SLC39A11: variants seen among roughly 807,000 people sequenced by gnomAD.
SLC39A11 encodes zinc transporter ZIP11.
SLC39A11 carries 33 observed loss-of-function variants against 36.1 expected under a neutral mutation model. That is an observed-to-expected ratio of 0.91 (90% CI 0.69 to 1.22). SLC39A11 has a LOEUF of 1.22. Among genes scored for constraint, SLC39A11 ranks in the 50% most tolerant of loss-of-function variants. The pLI, the probability that SLC39A11 is intolerant of heterozygous loss-of-function variation, is 0.00. For synonymous variants in SLC39A11, 166 were observed against 170.3 expected (o/e 0.97, Z 0.20); for missense variants, 432 against 430.3 (o/e 1.00, Z -0.03).
At chr17:73,084,107 T>C (rs142694554) in intron 3 of SLC39A11, among the ~76,000 whole-genome samples, 10 of 152,228 alleles carry the variant, frequency 6.6e-5, no homozygotes, top group African/African-American at 1.9e-4. Context: ...CTGGGATGCA[T>C]TACAGGCTTC....
At chr17:72,650,593 C>T (rs1321690640) in intron 7 of SLC39A11, among the ~76,000 whole-genome samples, 1 of 152,184 alleles carries the variant, frequency 6.6e-6, no homozygotes, top group East Asian at 1.9e-4. Flanking sequence ...GAAGCAGCCC[C>T]TCCATGAAGG....
Position 72,729,828 on chromosome 17 carries a change from A to G in SLC39A11, c.671+6822T>C, listed in dbSNP as rs199899770. On this transcript the variant is annotated intron_variant, in intron 7 of 9. Transcript: ENST00000255559. ...GGAGCAAAAAGCTTGCCTGTCTTCTACTGGTTTCTTGGTCTGGCTTGGATC... is the reference window on the plus strand; with the variant it reads ...GGAGCAAAAAGCTTGCCTGTCTTCTGCTGGTTTCTTGGTCTGGCTTGGATC... Among the ~76,000 whole-genome samples the G allele has an allele frequency of 2.6e-5, 4 of 152,114 alleles. No homozygotes were observed. In the East Asian group the frequency reaches 7.8e-4, roughly 30 times the overall value.
chr17:72,872,111 T>A (rs2080664182), intron 5 of SLC39A11, among the ~76,000 whole-genome samples: 1 of 151,888 alleles, frequency 6.6e-6, no homozygotes, highest in South Asian at 2.1e-4. Flanking sequence ...GTAAAGAGAG[T>A]AATGTCTATG....
chr17:72,659,711 T>C (rs1304256157), intron 7 of SLC39A11, among the ~76,000 whole-genome samples: 1 of 149,366 alleles, frequency 6.7e-6, no homozygotes, highest in Non-Finnish European at 1.5e-5. Context: ...GCCTCCCAAA[T>C]AGCTGGGATT....
At chr17:72,886,979 T>C (rs1430820238) in intron 5 of SLC39A11, among the ~76,000 whole-genome samples, 1 of 152,248 alleles carries the variant, frequency 6.6e-6, no homozygotes, top group Non-Finnish European at 1.5e-5. Flanking sequence ...CTTCCCTGAC[T>C]GCCTGATCTA....
chr17:73,091,668 G>T (rs2060928286), intron 1 of SLC39A11, among the ~76,000 whole-genome samples: 1 of 152,062 alleles, frequency 6.6e-6, no homozygotes, highest in Non-Finnish European at 1.5e-5. Context: ...ACAACTTTAG[G>T]ACACAGCATC....
At chr17:72,702,251 G>GT (rs1381788021) in intron 7 of SLC39A11, among the ~76,000 whole-genome samples, 1 of 152,190 alleles carries the variant, frequency 6.6e-6, no homozygotes, top group Non-Finnish European at 1.5e-5. Context: ...GGAGGCTACT[G>GT]TTTTTTTCTT....
At chr17:73,079,913 T>C (rs1264837089) in intron 3 of SLC39A11, among the ~76,000 whole-genome samples, 4 of 152,174 alleles carry the variant, frequency 2.6e-5, no homozygotes, top group South Asian at 2.1e-4. Flanking sequence ...AAAATAATAA[T>C]AATAATACTT....
chr17:72,784,300 G>A (rs1807876249), intron 6 of SLC39A11, among the ~76,000 whole-genome samples: 1 of 152,018 alleles, frequency 6.6e-6, no homozygotes, highest in Non-Finnish European at 1.5e-5. Context: ...AGCAGAGATG[G>A]CACCACGATA....
At chr17:72,906,003 T>C (rs1488257387) in intron 5 of SLC39A11, among the ~76,000 whole-genome samples, 3 of 152,180 alleles carry the variant, frequency 2.0e-5, no homozygotes, top group Non-Finnish European at 2.9e-5. Flanking sequence ...TCCGCCTGCC[T>C]TGGCCTCCCA....
chr17:72,798,711 TC>T (rs2076983156), intron 6 of SLC39A11, among the ~76,000 whole-genome samples: 1 of 151,868 alleles, frequency 6.6e-6, no homozygotes, highest in East Asian at 1.9e-4. Flanking sequence ...AGAACACTAA[TC>T]TCACCAAGGG....
intron 4 of SLC39A11, among the ~76,000 whole-genome samples, chr17:73,017,293 G>T (rs1323400972): frequency 6.6e-6 from 1 of 152,170 alleles, no homozygotes; most frequent in Non-Finnish European, 1.5e-5. Context: ...ACTATGCAGG[G>T]CTGTGATCCT....
intron 5 of SLC39A11, among the ~76,000 whole-genome samples, chr17:72,895,855 A>G (rs1389416158): frequency 6.6e-6 from 1 of 152,174 alleles, no homozygotes; most frequent in African/African-American, 2.4e-5. Context: ...GGAAAGGGGT[A>G]TTTTATTTAA....
chr17:72,727,392 G>A (rs1055679440), intron 7 of SLC39A11, among the ~76,000 whole-genome samples: 6 of 152,148 alleles, frequency 3.9e-5, no homozygotes, highest in African/African-American at 9.7e-5. Flanking sequence ...AGTGGCTCAC[G>A]CCTGTAATCC....
intron 5 of SLC39A11, among the ~76,000 whole-genome samples, chr17:72,905,389 A>C (rs923641007): frequency 1.3e-5 from 2 of 151,374 alleles, no homozygotes; most frequent in Non-Finnish European, 2.9e-5. Context: ...TGAAGTCAGG[A>C]GTTCCAGACC....
At chr17:72,936,703 C>T (rs1481207257) in intron 5 of SLC39A11, among the ~76,000 whole-genome samples, 1 of 152,102 alleles carries the variant, frequency 6.6e-6, no homozygotes, top group African/African-American at 2.4e-5. Flanking sequence ...TTTTTGGCAC[C>T]AGGGACTGGT....
chr17:72,949,302 A>G (rs1034265898), intron 4 of SLC39A11, among the ~76,000 whole-genome samples: 7 of 151,512 alleles, frequency 4.6e-5, no homozygotes, highest in Admixed American at 1.3e-4. Context: ...CTGGGATCAC[A>G]GGCACTCACC....
chr17:72,936,486 A>G (rs1052659628), intron 5 of SLC39A11, among the ~76,000 whole-genome samples: 11 of 151,094 alleles, frequency 7.3e-5, no homozygotes, highest in Non-Finnish European at 1.3e-4. Context: ...GATCCTAGGA[A>G]AGGCAATGGA....
intron 3 of SLC39A11, among the ~76,000 whole-genome samples, chr17:73,048,404 A>G (rs987295162): frequency 1.9e-4 from 29 of 152,308 alleles, no homozygotes; most frequent in Admixed American, 1.6e-3. Context: ...TCCATGGTGC[A>G]CATGTACCAC....
Sources: gnomAD v4.1 joint callset for allele counts (sites outside exome capture counted in the v4.1 genomes callset) on GRCh38, gnomAD v4.1.1 for gene constraint, MANE v1.5 for transcripts, NCBI Gene and HGNC (gene_info 2026-07-23, HGNC 2026-07-21) for gene names.